Variants in BLTP3A observed in about 807,000 individuals in gnomAD.
BLTP3A encodes the protein ICBP90 binding protein 1.
the BLTP3A span, chr6:34,856,784 A>G: frequency 1.2e-6 from 2 of 1,608,904 alleles, no homozygotes; most frequent in Non-Finnish European, 1.7e-6. Context: ...CCTTATTTTT[A>G]TTTAGATTCT....
the BLTP3A span, among the ~76,000 whole-genome samples, chr6:34,831,319 G>A: frequency 6.6e-6 from 1 of 151,946 alleles, no homozygotes; most frequent in Non-Finnish European, 1.5e-5. Flanking sequence ...GTAGAGATGG[G>A]GTTTCACCAT....
chr6:34,805,094 G>T, the BLTP3A span, among the ~76,000 whole-genome samples: 1 of 152,032 alleles, frequency 6.6e-6, no homozygotes, highest in Non-Finnish European at 1.5e-5. Flanking sequence ...GGAAGTTCCA[G>T]ACCAGCCTGG....
chr6:34,867,498 G>A, the BLTP3A span: 31 of 1,614,164 alleles, frequency 1.9e-5, no homozygotes, highest in Non-Finnish European at 2.6e-5. Context: ...TGAATGAGGT[G>A]TCTTTTGGGA....
chr6:34,794,157 C>A, the BLTP3A span, among the ~76,000 whole-genome samples: 12 of 143,664 alleles, frequency 8.4e-5, no homozygotes, highest in African/African-American at 1.0e-4. Flanking sequence ...GAGACTGTCT[C>A]AAAAAAAAAA....
chr6:34,835,473 T>C, the BLTP3A span: 49 of 1,612,970 alleles, frequency 3.0e-5, no homozygotes, highest in Non-Finnish European at 4.2e-5. Context: ...AGGTTAGAGA[T>C]AAAACAGACA....
At chr6:34,826,266 C>A in the BLTP3A span, among the ~76,000 whole-genome samples, 1 of 152,074 alleles carries the variant, frequency 6.6e-6, no homozygotes, top group African/African-American at 2.4e-5. Flanking sequence ...AAATGATCCA[C>A]CCGGCTTGGC....
the BLTP3A span, among the ~76,000 whole-genome samples, chr6:34,815,670 T>G: frequency 6.6e-6 from 1 of 152,148 alleles, no homozygotes; most frequent in Non-Finnish European, 1.5e-5. Context: ...TGAGACAGAG[T>G]CTCACTTTGT....
At chr6:34,848,277 C>G in the BLTP3A span, among the ~76,000 whole-genome samples, 3 of 141,358 alleles carry the variant, frequency 2.1e-5, no homozygotes, top group African/African-American at 8.5e-5. Flanking sequence ...GAGCAAGACC[C>G]TGTCTCAAAA....
At chr6:34,810,186 T>G in the BLTP3A span, among the ~76,000 whole-genome samples, 1 of 152,166 alleles carries the variant, frequency 6.6e-6, no homozygotes, top group African/African-American at 2.4e-5. Flanking sequence ...TTTCTCTGCT[T>G]CTTGGGAGCA....
At chr6:34,855,926 T>C in the BLTP3A span, 9 of 984,864 alleles carry the variant, frequency 9.1e-6, no homozygotes, top group South Asian at 4.7e-5. Context: ...AGGGGAGATA[T>C]CTAGTGCCTG....
At chr6:34,840,391 TAAAA>T in the BLTP3A span, among the ~76,000 whole-genome samples, 31 of 123,542 alleles carry the variant, frequency 2.5e-4, no homozygotes, top group South Asian at 5.4e-4. Flanking sequence ...CGTCTCTACT[TAAAA>T]AAAAAAAAAA....
At chr6:34,857,337 C>T in the BLTP3A span, 104 of 1,612,662 alleles carry the variant, frequency 6.4e-5, no homozygotes, top group Admixed American at 1.0e-4. Context: ...AGGTTTCCAC[C>T]GCTGGACAGC....
chr6:34,823,378 A>G, the BLTP3A span: 43 of 1,566,408 alleles, frequency 2.7e-5, no homozygotes, highest in Non-Finnish European at 3.6e-5. Context: ...GTTATTTCCA[A>G]CATATTAATT....
the BLTP3A span, chr6:34,871,799 C>G: frequency 9.9e-6 from 16 of 1,613,216 alleles, no homozygotes; most frequent in Non-Finnish European, 1.4e-5. Context: ...TCACTTAGAA[C>G]CTTTACTTGT....
At chr6:34,808,346 C>CAAAAAA in the BLTP3A span, among the ~76,000 whole-genome samples, 159 of 26,580 alleles carry the variant, frequency 6.0e-3, 15 homozygotes, top group African/African-American at 0.015. Context: ...AACTCCGTCT[C>CAAAAAA]AAAAAAAAAA....
chr6:34,797,606 G>A, the BLTP3A span, among the ~76,000 whole-genome samples: 2 of 152,108 alleles, frequency 1.3e-5, no homozygotes, highest in East Asian at 1.9e-4. Context: ...TTATTATCAC[G>A]TTCTTTTCCA....
the BLTP3A span, among the ~76,000 whole-genome samples, chr6:34,821,011 C>G: frequency 6.8e-6 from 1 of 147,256 alleles, no homozygotes; most frequent in Admixed American, 6.9e-5. Context: ...GGCTGGAGTG[C>G]AATGGCACGA....
At chr6:34,825,175 T>C in the BLTP3A span, among the ~76,000 whole-genome samples, 1 of 152,244 alleles carries the variant, frequency 6.6e-6, no homozygotes, top group Non-Finnish European at 1.5e-5. Flanking sequence ...CATCAAGGTA[T>C]CATTGAAAAT....
At chr6:34,830,179 C>A in the BLTP3A span, among the ~76,000 whole-genome samples, 1 of 152,080 alleles carries the variant, frequency 6.6e-6, no homozygotes, top group Non-Finnish European at 1.5e-5. Context: ...CTGGTCTCAT[C>A]CTGGTCTCAG....
Sources: allele counts gnomAD v4.1 joint callset (sites outside exome capture counted in the v4.1 genomes callset), GRCh38; gene constraint gnomAD v4.1.1; transcripts MANE v1.5; gene names NCBI Gene and HGNC (gene_info 2026-07-23, HGNC 2026-07-21).